Variants in HEMK2 observed in about 807,000 individuals in gnomAD.
HEMK2 encodes methyltransferase HEMK2.
the HEMK2 span, chr21:28,885,223 G>A: frequency 2.5e-6 from 4 of 1,578,564 alleles, no homozygotes; most frequent in Non-Finnish European, 3.5e-6. Flanking sequence ...CTGCCAGTTC[G>A]GCAGCCGCTG....
At chr21:28,663,689 G>A in the HEMK2 span, among the ~76,000 whole-genome samples, 1 of 152,132 alleles carries the variant, frequency 6.6e-6, no homozygotes, top group African/African-American at 2.4e-5. Flanking sequence ...TGTCTTTTTT[G>A]TTATTGTCAT....
chr21:28,704,331 T>G, the HEMK2 span, among the ~76,000 whole-genome samples: 1 of 152,142 alleles, frequency 6.6e-6, no homozygotes. Flanking sequence ...TTAAATCTCC[T>G]TATACTCATG....
At chr21:28,827,317 T>TAA in the HEMK2 span, among the ~76,000 whole-genome samples, 1 of 152,238 alleles carries the variant, frequency 6.6e-6, no homozygotes, top group Non-Finnish European at 1.5e-5. Flanking sequence ...TCAGTGCAAC[T>TAA]AACTGTCTTT....
At chr21:28,838,874 G>A in the HEMK2 span, among the ~76,000 whole-genome samples, 3 of 143,822 alleles carry the variant, frequency 2.1e-5, no homozygotes, top group African/African-American at 7.7e-5. Flanking sequence ...GGGAGGCAGA[G>A]GTTGTGGTGA....
At chr21:28,822,609 G>C in the HEMK2 span, among the ~76,000 whole-genome samples, 25 of 151,758 alleles carry the variant, frequency 1.6e-4, no homozygotes, top group African/African-American at 4.6e-4. Context: ...ATATATCCCT[G>C]AGCCCTCGTA....
chr21:28,689,222 A>G, the HEMK2 span, among the ~76,000 whole-genome samples: 1,044 of 152,328 alleles, frequency 6.9e-3, 12 homozygotes, highest in African/African-American at 0.023. Context: ...CATCCACTAT[A>G]AAGAATATCC....
the HEMK2 span, among the ~76,000 whole-genome samples, chr21:28,813,474 A>C: frequency 1.3e-5 from 2 of 152,216 alleles, no homozygotes; most frequent in African/African-American, 4.8e-5. Flanking sequence ...GATAGGAAGA[A>C]TCAATATCGT....
chr21:28,704,967 A>G, the HEMK2 span, among the ~76,000 whole-genome samples: 1 of 152,204 alleles, frequency 6.6e-6, no homozygotes, highest in South Asian at 2.1e-4. Context: ...CTAATTTTAC[A>G]TTCGGAGTAA....
the HEMK2 span, among the ~76,000 whole-genome samples, chr21:28,877,268 GGAA>G: frequency 2.5e-5 from 2 of 78,628 alleles, no homozygotes; most frequent in African/African-American, 6.5e-5. Flanking sequence ...AGGGAAGGAA[GGAA>G]GGAAGGAAGG....
chr21:28,627,236 T>A, the HEMK2 span, among the ~76,000 whole-genome samples: 3 of 152,154 alleles, frequency 2.0e-5, no homozygotes, highest in Admixed American at 2.0e-4. Context: ...CAAAGAGGCA[T>A]GAGAGAAATT....
At chr21:28,596,548 C>T in the HEMK2 span, among the ~76,000 whole-genome samples, 2 of 152,112 alleles carry the variant, frequency 1.3e-5, no homozygotes, top group African/African-American at 2.4e-5. Flanking sequence ...AGTGAAAGAG[C>T]TCCCAGTAAT....
At chr21:28,704,021 G>A in the HEMK2 span, among the ~76,000 whole-genome samples, 6 of 152,168 alleles carry the variant, frequency 3.9e-5, no homozygotes, top group Non-Finnish European at 8.8e-5. Context: ...GTCTGCTCAT[G>A]TCACATTAGC....
chr21:28,665,506 C>T, the HEMK2 span, among the ~76,000 whole-genome samples: 7 of 148,860 alleles, frequency 4.7e-5, no homozygotes, highest in East Asian at 1.0e-3. Flanking sequence ...CTAGATGACA[C>T]GTTAGTGGGT....
chr21:28,854,880 T>C, the HEMK2 span, among the ~76,000 whole-genome samples: 1 of 152,292 alleles, frequency 6.6e-6, no homozygotes, highest in Admixed American at 6.5e-5. Flanking sequence ...AATAATACTT[T>C]GTATCCTTCA....
At chr21:28,767,709 A>G in the HEMK2 span, among the ~76,000 whole-genome samples, 7 of 152,130 alleles carry the variant, frequency 4.6e-5, no homozygotes, top group East Asian at 7.7e-4. Flanking sequence ...TAGTCAAGTC[A>G]TATCATCTAA....
At chr21:28,809,718 T>TA in the HEMK2 span, among the ~76,000 whole-genome samples, 19 of 152,120 alleles carry the variant, frequency 1.2e-4, no homozygotes, top group East Asian at 3.9e-4. Context: ...TGTTCCAAGA[T>TA]AAAAAAAATC....
At chr21:28,629,484 G>A in the HEMK2 span, among the ~76,000 whole-genome samples, 1 of 152,190 alleles carries the variant, frequency 6.6e-6, no homozygotes, top group Non-Finnish European at 1.5e-5. Context: ...CCAAAGCAAA[G>A]GCCCTAATAT....
the HEMK2 span, among the ~76,000 whole-genome samples, chr21:28,643,161 T>C: frequency 6.6e-6 from 1 of 152,208 alleles, no homozygotes; most frequent in Non-Finnish European, 1.5e-5. Context: ...ACACTGAAGG[T>C]GTCAGCAACC....
chr21:28,727,752 G>T, the HEMK2 span, among the ~76,000 whole-genome samples: 1 of 152,170 alleles, frequency 6.6e-6, no homozygotes, highest in African/African-American at 2.4e-5. Context: ...AGGACCACTT[G>T]TTTATAAGCC....
Sources: gnomAD v4.1 joint callset for allele counts (sites outside exome capture counted in the v4.1 genomes callset) on GRCh38, gnomAD v4.1.1 for gene constraint, MANE v1.5 for transcripts, NCBI Gene and HGNC (gene_info 2026-07-23, HGNC 2026-07-21) for gene names.